The following ZCCHC24 variants were observed in gnomAD, a reference collection of about 807,000 sequenced individuals.
The protein encoded by ZCCHC24 is zinc finger CCHC-type containing 24, also known as zinc finger CCHC domain-containing protein 24.
ZCCHC24 carries 10 observed loss-of-function variants against 26.2 expected under a neutral mutation model. The observed-to-expected ratio is 0.38, with a 90% CI of 0.24 to 0.65. The LOEUF (loss-of-function observed/expected upper bound fraction) is 0.65, where lower values mean the gene tolerates loss of function less well. Ranked by LOEUF, ZCCHC24 falls within the 30% of genes least tolerant of loss-of-function variation. ZCCHC24 has a pLI of 0.54. For synonymous variants in ZCCHC24, 144 were observed against 147.1 expected (o/e 0.98, Z 0.15); for missense variants, 243 against 329.1 (o/e 0.74, Z 2.03).
At chr10:79,401,312 G>A (rs191413672) in intron 2 of ZCCHC24, among the ~76,000 whole-genome samples, 1 of 152,350 alleles carries the variant, frequency 6.6e-6, no homozygotes, top group African/African-American at 2.4e-5. Flanking sequence ...AGAAATCACT[G>A]TTGCTCCAAC....
At chr10:79,419,113 C>T (rs1358623512) in intron 2 of ZCCHC24, among the ~76,000 whole-genome samples, 12 of 152,188 alleles carry the variant, frequency 7.9e-5, no homozygotes, top group Non-Finnish European at 1.5e-4. Flanking sequence ...AGGAGAGGGG[C>T]TCCGGTGGGT....
rs1259329406 is a variant in ZCCHC24 at position 79,385,635 on chromosome 10, T to A, written c.*710A>T. 6.6e-6 allele frequency: 1 copy of A among 152,080 alleles called. No individual in the cohort carries two copies. Among genetic ancestry groups the A allele is most frequent in the Non-Finnish European group, 1.5e-5 (1 of 68,242 alleles). 9.4% of individuals were successfully genotyped at this position (152,080 alleles called of 1,614,324 possible). A position where few individuals can be genotyped will look rare whatever the true frequency, so the allele number is the denominator to read the frequency against. ...AAAACCTAAGGCAGTCTGGTGGGGG[T>A]CGTGGGAGGGGCTGCCCCACGTTCA... On this transcript the variant is annotated 3_prime_UTR_variant, in exon 4 of 4. Coordinates refer to ENST00000372336, the MANE Select transcript of ZCCHC24 (RefSeq NM_153367.4). This position sits in a 1 kb window ranked among gnomAD's most constrained non-coding sequence, Gnocchi z 4.3.
At chr10:79,403,584 C>T (rs191190839) in intron 2 of ZCCHC24, 43 of 985,380 alleles carry the variant, frequency 4.4e-5, no homozygotes, top group Admixed American at 1.8e-4. Flanking sequence ...AGGAAGGACG[C>T]GGCAAGAGGC....
In ZCCHC24 at chr10:79,445,349, G is replaced by T; in HGVS notation, c.92C>A (p.Thr31Lys). 6.5e-7 allele frequency: 1 copy of T among 1,536,578 alleles called. No individual in the cohort carries two copies. The highest frequency in any genetic ancestry group is 8.7e-7 in the Non-Finnish European group (1 of 1,144,532). ...GGCATCGAAGGCGCTAGCCTGGTGC[G>T]TGTCCTGCAGCGACAGGTAGACCCA... ...LNWVYLSLQD[T>K]HQASAFDAFR... The change falls in exon 1 of 4, where the codon ACG (threonine) becomes AAG (lysine). Residue 31 changes from threonine to lysine, a missense_variant. Thr to Lys is a moderately conservative substitution (Grantham distance 78). This residue lies in a region of ZCCHC24 where 147 missense variants were observed against 150.8 expected (regional missense o/e 0.97). Coordinates refer to ENST00000372336, the MANE Select transcript of ZCCHC24 (RefSeq NM_153367.4).
At chr10:79,400,627 T>C (rs764948360) in intron 2 of ZCCHC24, among the ~76,000 whole-genome samples, 2 of 152,164 alleles carry the variant, frequency 1.3e-5, no homozygotes, top group Non-Finnish European at 2.9e-5. Flanking sequence ...GCCAGCCCAC[T>C]CCCTGGCCTG....
chr10:79,404,665 G>A (rs1284647823), intron 2 of ZCCHC24, among the ~76,000 whole-genome samples: 3 of 152,050 alleles, frequency 2.0e-5, no homozygotes, highest in African/African-American at 4.8e-5. Flanking sequence ...CCTTTCTTCC[G>A]ACTGCACCTC....
intron 2 of ZCCHC24, among the ~76,000 whole-genome samples, chr10:79,423,246 C>T (rs954911797): frequency 6.6e-6 from 1 of 152,008 alleles, no homozygotes; most frequent in Non-Finnish European, 1.5e-5. Flanking sequence ...TTGCATAAAA[C>T]CTTATTAAAA....
intron 1 of ZCCHC24, 75 bp from the exon 2 acceptor site, chr10:79,432,833 G>C: frequency 6.7e-7 from 1 of 1,481,954 alleles, no homozygotes; most frequent in Non-Finnish European, 9.1e-7. Context: ...CCAAACACAC[G>C]CATGGATTCA....
At chr10:79,391,971 C>A (rs1480286659) in intron 3 of ZCCHC24, among the ~76,000 whole-genome samples, 1 of 151,824 alleles carries the variant, frequency 6.6e-6, no homozygotes, top group Non-Finnish European at 1.5e-5. Flanking sequence ...CAGAAACCAC[C>A]CATCTCTGCC....
At chr10:79,421,963 C>A (rs1317516941) in intron 2 of ZCCHC24, among the ~76,000 whole-genome samples, 2 of 152,064 alleles carry the variant, frequency 1.3e-5, no homozygotes, top group Non-Finnish European at 2.9e-5. Flanking sequence ...CAGTCCTTAG[C>A]CCCAGTGTTG....
intron 2 of ZCCHC24, among the ~76,000 whole-genome samples, chr10:79,396,596 C>T (rs1316940417): frequency 2.6e-5 from 4 of 152,174 alleles, no homozygotes; most frequent in Admixed American, 1.3e-4. Context: ...GTGTGGTCCC[C>T]GGACCAACAG....
At chr10:79,388,679 A>G (rs995604508) in intron 3 of ZCCHC24, among the ~76,000 whole-genome samples, 7 of 152,210 alleles carry the variant, frequency 4.6e-5, no homozygotes, top group Admixed American at 1.3e-4. Flanking sequence ...ACAGGCCAAA[A>G]AGGCCAGACT....
At chr10:79,443,636 C>T (rs1243167257) in intron 1 of ZCCHC24, among the ~76,000 whole-genome samples, 1 of 152,198 alleles carries the variant, frequency 6.6e-6, no homozygotes, top group African/African-American at 2.4e-5. Flanking sequence ...GGTAAGAGAA[C>T]AAACAACTGA....
At chr10:79,433,266 T>C (rs1193318252) in intron 1 of ZCCHC24, among the ~76,000 whole-genome samples, 1 of 152,214 alleles carries the variant, frequency 6.6e-6, no homozygotes, top group Admixed American at 6.5e-5. Flanking sequence ...CTTGCGGCAT[T>C]GCTCCCGCTT....
At chr10:79,444,795 G>T (rs1857339823) in intron 1 of ZCCHC24, among the ~76,000 whole-genome samples, 2 of 152,328 alleles carry the variant, frequency 1.3e-5, no homozygotes, top group South Asian at 4.1e-4. Flanking sequence ...CGGTGGCCAG[G>T]ACGAGGATAA....
At chr10:79,396,716 G>A (rs373928598) in intron 2 of ZCCHC24, among the ~76,000 whole-genome samples, 13 of 152,332 alleles carry the variant, frequency 8.5e-5, no homozygotes, top group Admixed American at 3.3e-4. Context: ...ATGCCATTAC[G>A]TTAAAGAAGT....
chr10:79,427,660 T>C (rs1857052171), intron 2 of ZCCHC24, among the ~76,000 whole-genome samples: 1 of 149,958 alleles, frequency 6.7e-6, no homozygotes, highest in Non-Finnish European at 1.5e-5. Context: ...TAAGATACAA[T>C]ATACCAAAAC....
intron 2 of ZCCHC24, among the ~76,000 whole-genome samples, chr10:79,414,726 T>C (rs4620666): frequency 0.4 from 61,184 of 152,004 alleles, 12,526 homozygotes; most frequent in Middle Eastern, 0.46. Context: ...ACGTCAGAAT[T>C]ACCTGGGGAG....
chr10:79,429,866 T>A (rs1857102522), intron 2 of ZCCHC24, among the ~76,000 whole-genome samples: 2 of 152,156 alleles, frequency 1.3e-5, no homozygotes, highest in African/African-American at 4.8e-5. Context: ...TGTCAACCCG[T>A]TCCTCCCTTC....
Sources: gnomAD v4.1 joint callset for allele counts (sites outside exome capture counted in the v4.1 genomes callset) on GRCh38, gnomAD v4.1.1 for gene constraint, gnomAD v4.1.1 regional missense constraint, Gnocchi (gnomAD v3.1) non-coding constraint, MANE v1.5 for transcripts, NCBI Gene and HGNC (gene_info 2026-07-23, HGNC 2026-07-21) for gene names.